CNTN4: variants seen among roughly 807,000 people sequenced by gnomAD.
CNTN4 encodes contactin-4.
CNTN4 carries 77 observed loss-of-function variants against 122.5 expected under a neutral mutation model. That is an observed-to-expected ratio of 0.63 (90% confidence interval 0.52 to 0.76). The LOEUF is 0.76. Among genes scored for constraint, CNTN4 ranks in the 30% least tolerant of loss-of-function variants. The pLI is 0.00. For synonymous variants in CNTN4, 512 were observed against 447.0 expected (o/e 1.15, Z -1.83); for missense variants, 1,256 against 1,259.1 (o/e 1.00, Z 0.04).
intron 3 of CNTN4, among the ~76,000 whole-genome samples, chr3:2,440,094 A>G (rs62233814): frequency 0.22 from 33,975 of 152,190 alleles, 4,879 homozygotes; most frequent in Non-Finnish European, 0.33. Context: ...ATATTTGTAA[A>G]GATATGCTTG....
At chr3:2,674,341 T>C (rs1482725670) in intron 4 of CNTN4, among the ~76,000 whole-genome samples, 1 of 152,228 alleles carries the variant, frequency 6.6e-6, no homozygotes, top group Non-Finnish European at 1.5e-5. Context: ...TCTATTGATA[T>C]ATATAATGTA....
intron 2 of CNTN4, among the ~76,000 whole-genome samples, chr3:2,226,234 A>T (rs1231045981): frequency 1.3e-5 from 2 of 152,154 alleles, no homozygotes; most frequent in African/African-American, 4.8e-5. Flanking sequence ...CAGGTAGATT[A>T]TAATATCCTT....
chr3:2,281,692 A>G (rs1447392073), intron 2 of CNTN4, among the ~76,000 whole-genome samples: 2 of 152,066 alleles, frequency 1.3e-5, no homozygotes, highest in African/African-American at 2.4e-5. Flanking sequence ...TTTGGGTAAC[A>G]GCTTTTGGTA....
At chr3:2,629,932 A>G (rs13060623) in intron 4 of CNTN4, among the ~76,000 whole-genome samples, 62,025 of 152,014 alleles carry the variant, frequency 0.41, 12,944 homozygotes, top group East Asian at 0.64. Flanking sequence ...TCTCGTTAAT[A>G]TAACTTTCAT....
At chr3:2,690,507 A>G (rs1238394845) in intron 4 of CNTN4, among the ~76,000 whole-genome samples, 1 of 152,188 alleles carries the variant, frequency 6.6e-6, no homozygotes, top group Admixed American at 6.5e-5. Flanking sequence ...ATCACAATTT[A>G]GGCAAATAAT....
intron 8 of CNTN4, among the ~76,000 whole-genome samples, chr3:2,876,453 A>G (rs1288388354): frequency 2.0e-5 from 3 of 152,192 alleles, no homozygotes; most frequent in Admixed American, 2.0e-4. Context: ...AACTTTTCAT[A>G]AAACAATTTT....
intron 3 of CNTN4, among the ~76,000 whole-genome samples, chr3:2,415,311 A>T (rs2047373927): frequency 6.6e-6 from 1 of 152,206 alleles, no homozygotes; most frequent in South Asian, 2.1e-4. Context: ...AAAGGGCCCC[A>T]TAATGTTCTT....
At chr3:3,043,901 C>T (rs367833949) in intron 23 of CNTN4, among the ~76,000 whole-genome samples, 197 bp downstream of exon 23, 4 of 152,138 alleles carry the variant, frequency 2.6e-5, no homozygotes, top group Non-Finnish European at 5.9e-5. Flanking sequence ...TAGACAATCA[C>T]CTTAACTTTA....
At chr3:3,023,143 A>G (rs911603834) in intron 14 of CNTN4, among the ~76,000 whole-genome samples, 1 of 152,230 alleles carries the variant, frequency 6.6e-6, no homozygotes, top group Non-Finnish European at 1.5e-5. Context: ...CACAACACAG[A>G]AAACAAGAGT....
chr3:2,614,041 G>A (rs1318726614), intron 4 of CNTN4, among the ~76,000 whole-genome samples: 6 of 152,108 alleles, frequency 3.9e-5, no homozygotes, highest in Non-Finnish European at 7.4e-5. Context: ...GAAAAAAATA[G>A]AATAATCAGA....
intron 4 of CNTN4, among the ~76,000 whole-genome samples, chr3:2,658,437 A>G (rs1017903810): frequency 6.6e-6 from 1 of 152,204 alleles, no homozygotes; most frequent in East Asian, 1.9e-4. Context: ...TCACATGACT[A>G]TGAAGGCAGG....
chr3:2,428,465 T>G (rs2151174727), intron 3 of CNTN4, among the ~76,000 whole-genome samples: 1 of 152,348 alleles, frequency 6.6e-6, no homozygotes, highest in South Asian at 2.1e-4. Context: ...TGGGCTTCTC[T>G]TAGCGGGTAA....
At chr3:2,526,688 T>G (rs1388147039) in intron 3 of CNTN4, among the ~76,000 whole-genome samples, 1 of 152,140 alleles carries the variant, frequency 6.6e-6, no homozygotes, top group Non-Finnish European at 1.5e-5. Context: ...TTCTCTTATA[T>G]TCATGAAATA....
chr3:2,662,085 G>C (rs963468086), intron 4 of CNTN4, among the ~76,000 whole-genome samples: 1 of 152,146 alleles, frequency 6.6e-6, no homozygotes, highest in African/African-American at 2.4e-5. Flanking sequence ...AGAGATCAAA[G>C]ACCCAGTTCC....
At chr3:2,354,034 T>G (rs1163936121) in intron 3 of CNTN4, among the ~76,000 whole-genome samples, 1 of 152,230 alleles carries the variant, frequency 6.6e-6, no homozygotes, top group East Asian at 1.9e-4. Flanking sequence ...ACACATTTTC[T>G]TATGACGTAA....
intron 13 of CNTN4, among the ~76,000 whole-genome samples, chr3:2,944,090 C>G (rs1194881503): frequency 1.3e-5 from 2 of 151,410 alleles, no homozygotes; most frequent in African/African-American, 4.8e-5. Context: ...TAACCTTTAC[C>G]TGTATCACTC....
intron 3 of CNTN4, among the ~76,000 whole-genome samples, chr3:2,436,749 A>G (rs924742960): frequency 2.0e-5 from 3 of 150,434 alleles, no homozygotes; most frequent in Non-Finnish European, 4.4e-5. Context: ...ATTTTAAGCA[A>G]CTTCATATAT....
chr3:2,866,634 T>C, intron 7 of CNTN4, 118 bp from the exon 8 acceptor site: 1 of 1,213,894 alleles, frequency 8.2e-7, no homozygotes. Context: ...TTTAGTGGGC[T>C]GAAAAAGAGT....
At chr3:2,930,835 C>G (rs762640123) in intron 13 of CNTN4, among the ~76,000 whole-genome samples, 1 of 152,172 alleles carries the variant, frequency 6.6e-6, no homozygotes, top group Non-Finnish European at 1.5e-5. Context: ...ACCTAGCTAG[C>G]CCTCACGGTG....
Sources: allele counts gnomAD v4.1 joint callset (sites outside exome capture counted in the v4.1 genomes callset), GRCh38; gene constraint gnomAD v4.1.1; transcripts MANE v1.5; gene names NCBI Gene and HGNC (gene_info 2026-07-23, HGNC 2026-07-21).